The following ATP13A4 variants were observed in gnomAD, a reference collection of about 807,000 sequenced individuals.
The protein encoded by ATP13A4 is ATPase 13A4.
A neutral mutation model predicts 142.5 loss-of-function variants in ATP13A4; 114 were observed. The observed-to-expected ratio is 0.80, with a 90% CI of 0.69 to 0.93. ATP13A4 has a LOEUF of 0.93. ATP13A4 is among the 40% of genes least tolerant of loss of function. The pLI is 0.00. For synonymous variants in ATP13A4, 488 were observed against 514.8 expected, an observed-to-expected ratio of 0.95 and a Z score of 0.70; for missense variants, 1,392 against 1,454.0, an observed-to-expected ratio of 0.96 and a Z score of 0.69.
intron 1 of ATP13A4, among the ~76,000 whole-genome samples, chr3:193,544,292 T>C (rs1385049939): frequency 6.6e-6 from 1 of 152,224 alleles, no homozygotes; most frequent in Non-Finnish European, 1.5e-5. Flanking sequence ...ACCAGGATTC[T>C]ACATTAAAAT....
intron 2 of ATP13A4, among the ~76,000 whole-genome samples, chr3:193,580,740 C>A (rs1010433132): frequency 2.6e-5 from 4 of 151,812 alleles, no homozygotes; most frequent in African/African-American, 4.8e-5. Flanking sequence ...AACCGGTGAG[C>A]GGGGAGGAAA....
intron 8 of ATP13A4, among the ~76,000 whole-genome samples, chr3:193,471,475 T>C (rs572511209): frequency 1.0e-3 from 157 of 151,154 alleles, no homozygotes; most frequent in Non-Finnish European, 1.9e-3. Context: ...ACTTGGGAGG[T>C]TGAGGTGGGA....
intron 1 of ATP13A4, among the ~76,000 whole-genome samples, chr3:193,583,163 T>C (rs2108747781): frequency 6.6e-6 from 1 of 151,962 alleles, no homozygotes; most frequent in East Asian, 1.9e-4. Context: ...CTGGGTGCAG[T>C]GGCTCAAGCC....
intron 1 of ATP13A4, among the ~76,000 whole-genome samples, chr3:193,517,735 A>G (rs1032399688): frequency 5.3e-5 from 8 of 152,056 alleles, no homozygotes; most frequent in Admixed American, 1.3e-4. Context: ...TGCCCGCCTC[A>G]GCCTCCCAAA....
At chr3:193,579,764 G>A (rs2108745738) in intron 2 of ATP13A4, among the ~76,000 whole-genome samples, 1 of 152,284 alleles carries the variant, frequency 6.6e-6, no homozygotes, top group Non-Finnish European at 1.5e-5. Context: ...AACAACCTGG[G>A]TCTTGCGTCT....
chr3:193,572,430 CTTTG>C (rs1192124428), intron 2 of ATP13A4, among the ~76,000 whole-genome samples: 2 of 152,134 alleles, frequency 1.3e-5, no homozygotes, highest in Non-Finnish European at 2.9e-5. Flanking sequence ...GCAGTCTTGC[CTTTG>C]TTTATTAATT....
At position 193,457,542 on chromosome 3, in the gene ATP13A4, C is replaced by G. The variant is rs73080865; in HGVS notation, c.1675-77G>C. 2.6e-3 allele frequency: 3,549 copies of G among 1,360,646 alleles called. 80 individuals carry two copies. In the African/African-American group the frequency reaches 0.045, roughly 17 times the overall value. The allele number at this position is 1,360,646 out of a possible 1,614,324, so 84.3% of individuals were successfully genotyped here. ...ACTGATGCTATGCTTGAACCCTCCC[C>G]TTGAGAAGATCCTCAGACCACCTCA... On this transcript the variant is annotated intron_variant, in intron 14 of 29. Transcript: ENST00000342695.
intron 6 of ATP13A4, among the ~76,000 whole-genome samples, chr3:193,490,714 T>C (rs1719896620): frequency 6.6e-6 from 1 of 152,200 alleles, no homozygotes; most frequent in Non-Finnish European, 1.5e-5. Flanking sequence ...TCTTTCATGC[T>C]TGACGGCTTG....
intron 29 of ATP13A4, among the ~76,000 whole-genome samples, chr3:193,406,403 A>C (rs950462073): frequency 6.6e-6 from 1 of 152,192 alleles, no homozygotes; most frequent in African/African-American, 2.4e-5. Flanking sequence ...GAATAATTCT[A>C]GTTCTGTATC....
chr3:193,585,190 C>T (rs944468323), intron 1 of ATP13A4, among the ~76,000 whole-genome samples: 1 of 152,080 alleles, frequency 6.6e-6, no homozygotes, highest in African/African-American at 2.4e-5. Context: ...GGCAAAGGTT[C>T]GTGGCTCACT....
chr3:193,539,699 CAGTT>C (rs201581504), intron 1 of ATP13A4, among the ~76,000 whole-genome samples: 3,028 of 152,314 alleles, frequency 0.02, 43 homozygotes, highest in Non-Finnish European at 0.026. Flanking sequence ...ACAACAGAAA[CAGTT>C]AGTCTTTGCA....
chr3:193,458,857 T>C (rs1717786008), intron 14 of ATP13A4: 1 of 634,562 alleles, frequency 1.6e-6, no homozygotes, highest in African/African-American at 1.8e-5. Context: ...AGGATTTTCT[T>C]ACTGCATCAT....
At chr3:193,407,949 C>T (rs1714584271) in intron 28 of ATP13A4, among the ~76,000 whole-genome samples, 2 of 152,372 alleles carry the variant, frequency 1.3e-5, no homozygotes, top group South Asian at 4.1e-4. Context: ...GCACAGTGTG[C>T]CCTCACAAGG....
At chr3:193,580,926 C>T (rs114967982) in intron 2 of ATP13A4, among the ~76,000 whole-genome samples, 3,619 of 152,266 alleles carry the variant, frequency 0.024, 50 homozygotes, top group East Asian at 0.031. Flanking sequence ...TATGGGTAAT[C>T]GTTTAACAAC....
intron 25 of ATP13A4, among the ~76,000 whole-genome samples, chr3:193,426,922 C>A (rs564209185): frequency 4.2e-4 from 64 of 151,946 alleles, no homozygotes; most frequent in African/African-American, 1.4e-3. Context: ...ATATTCATAA[C>A]CTTGAATTTG....
chr3:193,434,009 G>A (rs1375465963), intron 24 of ATP13A4, 92 bp from the exon 25 acceptor site: 1 of 1,055,678 alleles, frequency 9.5e-7, no homozygotes, highest in African/African-American at 1.6e-5. Context: ...GTGACATAGG[G>A]TTTTTCAAGT....
At chr3:193,419,452 C>T (rs145339668) in intron 25 of ATP13A4, among the ~76,000 whole-genome samples, 9 of 150,136 alleles carry the variant, frequency 6.0e-5, no homozygotes, top group African/African-American at 9.8e-5. Context: ...GAAAATGGTA[C>T]TTTGGCTTCC....
chr3:193,531,501 GGTT>G (rs1722339865), intron 1 of ATP13A4, among the ~76,000 whole-genome samples: 1 of 152,116 alleles, frequency 6.6e-6, no homozygotes, highest in Non-Finnish European at 1.5e-5. Context: ...TAACGTTGGT[GGTT>G]GAGTTAGCTA....
rs191926035 is a variant in ATP13A4, at chr3:193,402,881, T to C, written c.3379-17A>G. The C allele has an allele frequency of 7.5e-6, 12 of 1,610,638 alleles. No homozygotes were observed. In the Admixed American group the frequency reaches 1.3e-4, roughly 18 times the overall value. Reference sequence around the variant, plus strand: ...AACAGCCTCCTGCAAAATAAAATAATTACTTTTTACAAGCAAGGGTTGAGT... The same window carrying C: ...AACAGCCTCCTGCAAAATAAAATAACTACTTTTTACAAGCAAGGGTTGAGT... On this transcript the variant is annotated splice_polypyrimidine_tract_variant and intron_variant, in intron 29 of 29. Transcript: ENST00000342695.
Sources: gnomAD v4.1 joint callset for allele counts (sites outside exome capture counted in the v4.1 genomes callset) on GRCh38, gnomAD v4.1.1 for gene constraint, MANE v1.5 for transcripts, NCBI Gene and HGNC (gene_info 2026-07-23, HGNC 2026-07-21) for gene names.